The following PPP6R3 variants were observed in gnomAD, a reference collection of about 807,000 sequenced individuals.
PPP6R3 encodes the protein serine/threonine-protein phosphatase 6 regulatory subunit 3.
PPP6R3 carries 38 observed loss-of-function variants against 110.7 expected under a neutral mutation model. The observed-to-expected ratio is 0.34, with a 90% CI of 0.26 to 0.45. The LOEUF (loss-of-function observed/expected upper bound fraction) is 0.45. PPP6R3 is among the 20% of genes least tolerant of loss of function. The pLI, the probability that PPP6R3 is intolerant of heterozygous loss-of-function variation, is 1.00. For synonymous variants in PPP6R3, 369 were observed against 373.5 expected, an observed-to-expected ratio of 0.99 and a Z score of 0.14; for missense variants, 870 against 1,062.4, an observed-to-expected ratio of 0.82 and a Z score of 2.52.
chr11:68,614,417 T>G lies in PPP6R3; in HGVS notation c.*1300T>G. 1 of 1,308,002 alleles carries G rather than the reference T, an allele frequency of 7.6e-7. No individual in the cohort carries two copies. The highest frequency in any genetic ancestry group is 1.5e-5 in the African/African-American group (1 of 64,800). 81.0% of individuals were successfully genotyped at this position (1,308,002 alleles called of 1,614,324 possible). ...CTTGCACTTTTAGATGCAAATCAGT[T>G]TTTCATTTCTGTAATAGAAAATTAT... On this transcript the variant is annotated 3_prime_UTR_variant, in exon 24 of 24. Coordinates refer to ENST00000393800, the MANE Select transcript of PPP6R3 (RefSeq NM_001164161.2).
intron 23 of PPP6R3, 117 bp from the exon 24 acceptor site, chr11:68,612,949 T>TAA (rs1274794563): frequency 1.1e-5 from 17 of 1,522,716 alleles, no homozygotes; most frequent in African/African-American, 2.8e-5. Context: ...AAAAACTTAC[T>TAA]AAGTTCAAAA....
At chr11:68,610,155 A>G in intron 23 of PPP6R3, 132 bp downstream of exon 23, 1 of 1,279,272 alleles carries the variant, frequency 7.8e-7, no homozygotes, top group Non-Finnish European at 1.1e-6. Flanking sequence ...CTGGCAGGAC[A>G]GGGTTTTCTC....
At chr11:68,585,676 A>G (rs1304906985) in intron 15 of PPP6R3, among the ~76,000 whole-genome samples, 1 of 152,170 alleles carries the variant, frequency 6.6e-6, no homozygotes, top group Non-Finnish European at 1.5e-5. Context: ...TCTTTGCTAG[A>G]AGCTGTAATT....
At chr11:68,494,030 G>A (rs1485163174) in intron 1 of PPP6R3, among the ~76,000 whole-genome samples, 2 of 150,574 alleles carry the variant, frequency 1.3e-5, no homozygotes, top group African/African-American at 4.9e-5. Context: ...GTGAACCCGG[G>A]AGGAGGAGCT....
intron 5 of PPP6R3, 53 bp downstream of exon 5, chr11:68,548,257 GC>G (rs765112363): frequency 6.9e-6 from 11 of 1,599,396 alleles, no homozygotes; most frequent in Non-Finnish European, 9.4e-6. Context: ...TGGCATGTGA[GC>G]CCACCAGGCT....
chr11:68,465,056 ATT>A (rs2098736163), intron 1 of PPP6R3, among the ~76,000 whole-genome samples: 1 of 151,660 alleles, frequency 6.6e-6, no homozygotes, highest in South Asian at 2.1e-4. Context: ...TCATTTTTGT[ATT>A]TTTAGTAGAG....
chr11:68,585,274 T>G (rs1248163452), intron 15 of PPP6R3, among the ~76,000 whole-genome samples: 1 of 152,256 alleles, frequency 6.6e-6, no homozygotes, highest in Non-Finnish European at 1.5e-5. Context: ...GAATTCAGAC[T>G]GACTGCCGCA....
At chr11:68,482,566 A>G (rs889239702) in intron 1 of PPP6R3, among the ~76,000 whole-genome samples, 1 of 152,244 alleles carries the variant, frequency 6.6e-6, no homozygotes, top group Non-Finnish European at 1.5e-5. Flanking sequence ...AGCCTATTTT[A>G]TGGACTCTGG....
At chr11:68,511,316 T>A (rs943817652) in intron 1 of PPP6R3, among the ~76,000 whole-genome samples, 1 of 151,452 alleles carries the variant, frequency 6.6e-6, no homozygotes, top group South Asian at 2.1e-4. Flanking sequence ...CCGCCCGCCT[T>A]GGCCTCCCAA....
chr11:68,547,140 A>G (rs901895120), intron 4 of PPP6R3, among the ~76,000 whole-genome samples: 4 of 152,126 alleles, frequency 2.6e-5, no homozygotes, highest in African/African-American at 7.2e-5. Flanking sequence ...TGTGGCATAC[A>G]TATCCAATTT....
At chr11:68,509,744 A>ATTTTTTTTTT (rs59022544) in intron 1 of PPP6R3, among the ~76,000 whole-genome samples, 2 of 102,152 alleles carry the variant, frequency 2.0e-5, no homozygotes, top group Admixed American at 1.2e-4. Context: ...CATGTGGCTA[A>ATTTTTTTTTT]TTTTTTTTTT....
At chr11:68,538,591 G>C (rs1592752843) in intron 3 of PPP6R3, among the ~76,000 whole-genome samples, 1 of 152,214 alleles carries the variant, frequency 6.6e-6, no homozygotes, top group Non-Finnish European at 1.5e-5. Flanking sequence ...GGAACAGGAA[G>C]AATTAGGCTT....
At chr11:68,553,985 A>G (rs549362536) in intron 6 of PPP6R3, among the ~76,000 whole-genome samples, 160 bp from the exon 7 acceptor site, 16 of 152,348 alleles carry the variant, frequency 1.1e-4, no homozygotes, top group East Asian at 1.9e-4. Context: ...ACAAAATACA[A>G]TACTTGTGAT....
At chr11:68,588,160 A>T (rs996273923) in intron 16 of PPP6R3, 136 bp downstream of exon 16, 39 of 773,618 alleles carry the variant, frequency 5.0e-5, no homozygotes, top group South Asian at 1.1e-4. Flanking sequence ...GTGTTCCTCT[A>T]GTTCCAGCAG....
At chr11:68,610,156 G>GAAAACCCTGTCCT in intron 23 of PPP6R3, 133 bp downstream of exon 23, 1 of 1,270,470 alleles carries the variant, frequency 7.9e-7, no homozygotes, top group Non-Finnish European at 1.1e-6. Flanking sequence ...TGGCAGGACA[G>GAAAACCCTGTCCT]GGTTTTCTCA....
intron 1 of PPP6R3, among the ~76,000 whole-genome samples, chr11:68,501,593 C>G (rs1363584464): frequency 2.0e-5 from 3 of 152,216 alleles, no homozygotes; most frequent in Non-Finnish European, 4.4e-5. Context: ...TCACAAAGTG[C>G]TGGGATTACA....
At chr11:68,491,664 G>A (rs1367885054) in intron 1 of PPP6R3, among the ~76,000 whole-genome samples, 1 of 151,960 alleles carries the variant, frequency 6.6e-6, no homozygotes, top group Non-Finnish European at 1.5e-5. Context: ...TTAACTGTTT[G>A]GAGTGTACCG....
At chr11:68,468,740 G>A (rs1160284700) in intron 1 of PPP6R3, among the ~76,000 whole-genome samples, 1 of 152,194 alleles carries the variant, frequency 6.6e-6, no homozygotes, top group African/African-American at 2.4e-5. Flanking sequence ...TGTTATATAT[G>A]TTTTAATGTA....
intron 2 of PPP6R3, among the ~76,000 whole-genome samples, chr11:68,536,276 GT>G (rs1324564978): frequency 1.1e-4 from 17 of 151,216 alleles, no homozygotes; most frequent in East Asian, 9.7e-4. Context: ...TTTTTGTTTT[GT>G]TTTTTTCTTT....
Sources: allele counts gnomAD v4.1 joint callset (sites outside exome capture counted in the v4.1 genomes callset), GRCh38; gene constraint gnomAD v4.1.1; transcripts MANE v1.5; gene names NCBI Gene and HGNC (gene_info 2026-07-23, HGNC 2026-07-21).